The following ITGB6 variants were observed in gnomAD, a reference collection of about 807,000 sequenced individuals.
The protein encoded by ITGB6 is integrin beta-6.
Under a neutral mutation model 84.5 loss-of-function variants are expected in ITGB6, and 80 were observed. The ratio of observed to expected loss-of-function variants is 0.95; its 90% confidence interval spans 0.79 to 1.14. The LOEUF is 1.14. Among genes scored for constraint, ITGB6 ranks in the 50% most tolerant of loss-of-function variants. ITGB6 has a pLI of 0.00. For synonymous variants in ITGB6, 383 were observed against 354.9 expected, an observed-to-expected ratio of 1.08 and a Z score of -0.89; for missense variants, 1,006 against 968.0, an observed-to-expected ratio of 1.04 and a Z score of -0.52.
At chr2:160,177,507 C>G (rs1026173242) in intron 4 of ITGB6, among the ~76,000 whole-genome samples, 2 of 151,428 alleles carry the variant, frequency 1.3e-5, no homozygotes, top group Admixed American at 1.3e-4. Flanking sequence ...GGAGGCGGAG[C>G]TTGCAGTGAG....
intron 13 of ITGB6, 85 bp downstream of exon 13, chr2:160,111,995 A>G: frequency 2.2e-6 from 3 of 1,374,606 alleles, no homozygotes; most frequent in East Asian, 2.3e-5. Flanking sequence ...CTTTCCTGGC[A>G]TGCTACCCAG....
rs529604374 is a variant in ITGB6 at position 160,132,729 on chromosome 2, CAT to C, written c.1660+4703_1660+4704del. ...AATAGATTACACTTATATATGTGTGCATATATATATAAAAGAATGATTTTACA... is the reference window on the plus strand; with the variant it reads ...AATAGATTACACTTATATATGTGTGCATATATATAAAAGAATGATTTTACA... On this transcript the variant is annotated intron_variant, in intron 10 of 14. Coordinates refer to ENST00000283249, the MANE Select transcript of ITGB6 (RefSeq NM_000888.5). Among the ~76,000 whole-genome samples the C allele has an allele frequency of 1.4e-3, 210 of 151,874 alleles. 1 individual carries two copies. Among genetic ancestry groups the C allele is most frequent in the African/African-American group, 5.0e-3 (206 of 41,438 alleles).
intron 1 of ITGB6, 26 bp downstream of exon 1, chr2:160,199,976 TA>T (rs1482172935): frequency 1.3e-6 from 2 of 1,571,922 alleles, no homozygotes; most frequent in Non-Finnish European, 1.7e-6. Context: ...ACCACGAAAG[TA>T]ATATATCAGA....
intron 6 of ITGB6, among the ~76,000 whole-genome samples, chr2:160,169,806 C>T (rs371646719): frequency 6.0e-4 from 92 of 152,268 alleles, no homozygotes; most frequent in African/African-American, 2.1e-3. Context: ...ATGACATTCC[C>T]GTACTAATCC....
At chr2:160,186,688 CA>C (rs1467168851) in intron 4 of ITGB6, among the ~76,000 whole-genome samples, 5 of 152,126 alleles carry the variant, frequency 3.3e-5, no homozygotes, top group Admixed American at 2.6e-4. Flanking sequence ...TGGCACTGTT[CA>C]AAATAGCAAA....
chr2:160,110,473 C>A (rs1682448525), intron 13 of ITGB6, among the ~76,000 whole-genome samples: 1 of 152,144 alleles, frequency 6.6e-6, no homozygotes, highest in Non-Finnish European at 1.5e-5. Context: ...ACCTCAAGGG[C>A]CTGGAGCCTC....
At chr2:160,183,395 G>A (rs542182260) in intron 4 of ITGB6, among the ~76,000 whole-genome samples, 9 of 151,966 alleles carry the variant, frequency 5.9e-5, no homozygotes, top group Non-Finnish European at 1.0e-4. Flanking sequence ...GACAAAGAAG[G>A]GCATTACATA....
chr2:160,183,137 T>C (rs777955038), intron 4 of ITGB6, among the ~76,000 whole-genome samples: 17 of 152,122 alleles, frequency 1.1e-4, no homozygotes, highest in South Asian at 4.1e-4. Context: ...GATTCACACA[T>C]AACAATATTA....
chr2:160,150,176 T>A (rs935566852), intron 7 of ITGB6, among the ~76,000 whole-genome samples: 2 of 152,038 alleles, frequency 1.3e-5, no homozygotes, highest in African/African-American at 4.8e-5. Flanking sequence ...AAAGTTGAAA[T>A]GAATGAAAAA....
At chr2:160,180,370 C>T (rs112057748) in intron 4 of ITGB6, among the ~76,000 whole-genome samples, 1,648 of 152,298 alleles carry the variant, frequency 0.011, 32 homozygotes, top group African/African-American at 0.038. Context: ...TGGACTCAAA[C>T]TCCAGGGCTT....
Position 160,142,067 on chromosome 2 carries a change from T to A in ITGB6, c.1022A>T (p.Tyr341Phe). The A allele has an allele frequency of 6.3e-7, 1 of 1,587,062 alleles. No individual in the cohort carries two copies. Among genetic ancestry groups the A allele is most frequent in the Non-Finnish European group, 8.6e-7 (1 of 1,161,290 alleles). ...TGTAGCTCCAGGAATAAGTTTTGCG[T>A]AATTCTGTAAACAGAAAAAGAGTAA... ...TQEQVHLYENYAKLIPGATVG... is the reference protein window; with the variant it reads ...TQEQVHLYENFAKLIPGATVG... Residue 341 changes from tyrosine to phenylalanine, a missense_variant, in exon 8 of 15, where the codon TAC becomes TTC. Physicochemically the swap from Tyr to Phe is conservative, Grantham distance 22. Transcript: ENST00000283249.
chr2:160,159,414 G>A (rs1418285921), intron 7 of ITGB6, among the ~76,000 whole-genome samples: 1 of 152,130 alleles, frequency 6.6e-6, no homozygotes. Context: ...AAAGGCATTA[G>A]GTTTTTAAAT....
chr2:160,144,401 A>T (rs975237456), intron 7 of ITGB6, among the ~76,000 whole-genome samples: 7 of 152,146 alleles, frequency 4.6e-5, no homozygotes, highest in African/African-American at 1.7e-4. Flanking sequence ...TGGTTTACGG[A>T]CTTACCTTTT....
rs58166665 is a variant in ITGB6 at position 160,156,685 on chromosome 2, C to G, written c.1017+12527G>C. 7.9e-3 allele frequency among the ~76,000 whole-genome samples: 1,200 copies of G among 152,256 alleles called. 19 individuals carry two copies. The highest frequency in any genetic ancestry group is 0.028 in the African/African-American group (1,156 of 41,560). On this transcript the variant is annotated intron_variant, in intron 7 of 14. Coordinates refer to ENST00000283249, the MANE Select transcript of ITGB6 (RefSeq NM_000888.5). The stretch of plus-strand genomic sequence containing the variant: ...AGAAGTTCTATTATTTAGGTACCAT[C>G]ATTATTCCTGTTTTATGGCCATGAT...
At chr2:160,189,565 A>G (rs1230055620) in intron 4 of ITGB6, among the ~76,000 whole-genome samples, 6 of 152,394 alleles carry the variant, frequency 3.9e-5, no homozygotes, top group African/African-American at 1.4e-4. Flanking sequence ...ACACTTGTCA[A>G]AAGAAGACAT....
intron 12 of ITGB6, among the ~76,000 whole-genome samples, chr2:160,117,813 T>C (rs1252419050): frequency 6.6e-6 from 1 of 151,932 alleles, no homozygotes; most frequent in Admixed American, 6.6e-5. Flanking sequence ...ATAGATGCAA[T>C]AAAACATGAT....
intron 10 of ITGB6, among the ~76,000 whole-genome samples, chr2:160,136,703 A>C (rs1469634589): frequency 2.0e-5 from 3 of 152,272 alleles, no homozygotes; most frequent in African/African-American, 4.8e-5. Flanking sequence ...CATATACGCC[A>C]TGGAATACTA....
chr2:160,126,480 G>A lies in ITGB6; in HGVS notation c.1782C>T (p.Arg594=), dbSNP rs562634905. Residue 594 remains arginine (R), a synonymous_variant, in exon 11 of 15, where the codon CGC becomes CGT. Coordinates refer to ENST00000283249, the MANE Select transcript of ITGB6 (RefSeq NM_000888.5). ...CACACTTGCCACAAACACAGTCCCC[G>A]CGCCCGCTGCAGAGCACTCCATCTT... ...VSEDGVLCSG[R]GDCVCGKCVC... is the part of the protein sequence containing the mutation. 9.2e-5 allele frequency: 148 copies of A among 1,614,124 alleles called. 1 individual carries two copies. The South Asian group carries it at 1.4e-3, about 15-fold the overall frequency.
intron 4 of ITGB6, among the ~76,000 whole-genome samples, chr2:160,184,747 C>T (rs1194431625): frequency 6.6e-6 from 1 of 152,072 alleles, no homozygotes; most frequent in African/African-American, 2.4e-5. Context: ...ACTGGCAAAC[C>T]GAATCCAGCA....
Sources: allele counts gnomAD v4.1 joint callset (sites outside exome capture counted in the v4.1 genomes callset), GRCh38; gene constraint gnomAD v4.1.1; transcripts MANE v1.5; gene names NCBI Gene and HGNC (gene_info 2026-07-23, HGNC 2026-07-21).